BCL2A1: variants seen among roughly 807,000 people sequenced by gnomAD.
BCL2A1 encodes the protein BCL2 related protein A1, also known as bcl-2-related protein A1.
In BCL2A1, 10 loss-of-function variants were observed where a neutral mutation model predicts 14.4. That is an observed-to-expected ratio of 0.69 (90% CI 0.43 to 1.18). The LOEUF (loss-of-function observed/expected upper bound fraction) is 1.18, where lower values mean the gene tolerates loss of function less well. Among genes scored for constraint, BCL2A1 ranks in the 50% most tolerant of loss-of-function variants. The pLI is 0.00. For missense variants in BCL2A1, 158 were observed against 205.0 expected (o/e 0.77, Z 1.40); for synonymous variants, 71 against 76.5 (o/e 0.93, Z 0.38).
At chr15:79,962,431 C>A (rs1272606135) in intron 1 of BCL2A1, among the ~76,000 whole-genome samples, 2 of 152,154 alleles carry the variant, frequency 1.3e-5, no homozygotes, top group East Asian at 3.8e-4. Context: ...TCTTTCCCTC[C>A]TGCCAGTACA....
intron 1 of BCL2A1, among the ~76,000 whole-genome samples, chr15:79,966,376 G>A (rs575550915): frequency 7.2e-5 from 11 of 152,244 alleles, no homozygotes; most frequent in East Asian, 5.8e-4. Context: ...GTGTTGGTTC[G>A]TTGAATCATC....
intron 1 of BCL2A1, among the ~76,000 whole-genome samples, chr15:79,961,390 A>G (rs2035489679): frequency 6.6e-6 from 1 of 152,234 alleles, no homozygotes; most frequent in South Asian, 2.1e-4. Flanking sequence ...AAATAGATAA[A>G]ACTAACTTTT....
At chr15:79,964,386 T>C (rs2035518249) in intron 1 of BCL2A1, among the ~76,000 whole-genome samples, 1 of 152,138 alleles carries the variant, frequency 6.6e-6, no homozygotes, top group African/African-American at 2.4e-5. Context: ...GGAGGATTGC[T>C]TGAGCCCTGG....
chr15:79,969,311 A>T (rs1229789196), intron 1 of BCL2A1, among the ~76,000 whole-genome samples: 1 of 152,204 alleles, frequency 6.6e-6, no homozygotes, highest in Admixed American at 6.5e-5. Flanking sequence ...GCAAGGACCT[A>T]ACAAATTAAA....
intron 1 of BCL2A1, among the ~76,000 whole-genome samples, chr15:79,968,539 TAA>T (rs1414067191): frequency 6.6e-6 from 1 of 152,250 alleles, no homozygotes; most frequent in Non-Finnish European, 1.5e-5. Flanking sequence ...AGGCATCAAG[TAA>T]AAGATCAATA....
chr15:79,962,641 G>A (rs1596124944), intron 1 of BCL2A1, among the ~76,000 whole-genome samples: 1 of 151,854 alleles, frequency 6.6e-6, no homozygotes, highest in Admixed American at 6.6e-5. Flanking sequence ...TCTGCCTCCC[G>A]GGTTCAAGCA....
chr15:79,963,718 A>G (rs927751616), intron 1 of BCL2A1, among the ~76,000 whole-genome samples: 4 of 152,190 alleles, frequency 2.6e-5, no homozygotes, highest in African/African-American at 7.2e-5. Context: ...GAAATTTATC[A>G]TGAGGCAGTC....
chr15:79,968,151 G>A (rs1294081988), intron 1 of BCL2A1, among the ~76,000 whole-genome samples: 1 of 152,260 alleles, frequency 6.6e-6, no homozygotes, highest in African/African-American at 2.4e-5. Context: ...TTATTGTGGA[G>A]AAGTTAAATT....
chr15:79,965,956 CAAAGAAAAAAAAAAA>C (rs899064062), intron 1 of BCL2A1, among the ~76,000 whole-genome samples: 1 of 112,884 alleles, frequency 8.9e-6, no homozygotes, highest in African/African-American at 3.6e-5. Flanking sequence ...AAGAGGATGA[CAAAGAAAAAAAAAAA>C]AAAGAAAAAA....
intron 1 of BCL2A1, among the ~76,000 whole-genome samples, chr15:79,961,467 T>C (rs550112514): frequency 9.8e-5 from 15 of 152,340 alleles, no homozygotes; most frequent in African/African-American, 3.6e-4. Flanking sequence ...GAGATATTCT[T>C]TTTTCATAAC....
At chr15:79,966,127 A>G (rs1044200878) in intron 1 of BCL2A1, among the ~76,000 whole-genome samples, 8 of 152,218 alleles carry the variant, frequency 5.3e-5, no homozygotes, top group African/African-American at 1.2e-4. Context: ...GTAGTTGCAC[A>G]GTATTTGACA....
At chr15:79,961,501 T>C (rs1456988954) in intron 1 of BCL2A1, among the ~76,000 whole-genome samples, 1 of 152,226 alleles carries the variant, frequency 6.6e-6, no homozygotes, top group African/African-American at 2.4e-5. Context: ...CCAATGAGTA[T>C]TTAGTACTTA....
chr15:79,968,107 C>T lies in BCL2A1; in HGVS notation c.420+2593G>A, dbSNP rs1442402450. On this transcript the variant is annotated intron_variant, in intron 1 of 1. Coordinates refer to ENST00000267953, the MANE Select transcript of BCL2A1 (RefSeq NM_004049.4). The stretch of plus-strand genomic sequence containing the variant: ...AATTCTCAGAGACAATTCCACACCT[C>T]TTGCTAACAGTGAGTTCCAGGAGCT... 8.5e-5 allele frequency among the ~76,000 whole-genome samples: 13 copies of T among 152,184 alleles called. No individual in the cohort carries two copies. In the East Asian group the frequency reaches 2.5e-3, roughly 29 times the overall value.
rs866725802 is a variant in BCL2A1, at chr15:79,965,522, C to G, written c.421-4348G>C. Among the ~76,000 whole-genome samples, 14 of 152,166 alleles carry G rather than the reference C, an allele frequency of 9.2e-5. No homozygotes were observed. In the South Asian group the frequency reaches 2.5e-3, roughly 27 times the overall value. ...ATGGAGTCTGGCAGGAGGCTACTGA[C>G]AGAGTCAAGTGAGAGAGGAAGGCGG... On this transcript the variant is annotated intron_variant, in intron 1 of 1. Coordinates refer to ENST00000267953, the MANE Select transcript of BCL2A1 (RefSeq NM_004049.4).
At position 79,961,059 on chromosome 15, in the gene BCL2A1, CT is replaced by C; in HGVS notation, c.*7del. ...GGCCGGTTTCACAATATGGAGTGTC[CT>C]TTCTGGTCAACAGTATTGCTTCAGG... On this transcript the variant is annotated 3_prime_UTR_variant, in exon 2 of 2. Coordinates refer to ENST00000267953, the MANE Select transcript of BCL2A1 (RefSeq NM_004049.4). 6.2e-7 allele frequency: 1 copy of C among 1,613,762 alleles called. No individual in the cohort carries two copies. The highest frequency in any genetic ancestry group is 8.5e-7 in the Non-Finnish European group (1 of 1,179,752).
chr15:79,965,717 A>G (rs1229992983), intron 1 of BCL2A1, among the ~76,000 whole-genome samples: 1 of 152,184 alleles, frequency 6.6e-6, no homozygotes, highest in Admixed American at 6.5e-5. Context: ...ATTTTTCACT[A>G]AATGATTTTA....
At chr15:79,961,593 T>A (rs1277935149) in intron 1 of BCL2A1, among the ~76,000 whole-genome samples, 1 of 152,198 alleles carries the variant, frequency 6.6e-6, no homozygotes, top group Admixed American at 6.5e-5. Context: ...GAAAGCCTTT[T>A]TTTTTCTCGT....
intron 1 of BCL2A1, among the ~76,000 whole-genome samples, chr15:79,965,650 A>G (rs1192826674): frequency 6.6e-6 from 1 of 152,176 alleles, no homozygotes; most frequent in Non-Finnish European, 1.5e-5. Context: ...CTGACTCCCA[A>G]GGTTAGAGAA....
intron 1 of BCL2A1, among the ~76,000 whole-genome samples, chr15:79,969,275 G>A (rs1003871104): frequency 6.6e-6 from 1 of 152,178 alleles, no homozygotes; most frequent in Non-Finnish European, 1.5e-5. Context: ...TGATGGGAGT[G>A]TAACTTGGTA....
Sources: gnomAD v4.1 joint callset for allele counts (sites outside exome capture counted in the v4.1 genomes callset) on GRCh38, gnomAD v4.1.1 for gene constraint, MANE v1.5 for transcripts, NCBI Gene and HGNC (gene_info 2026-07-23, HGNC 2026-07-21) for gene names.